The following LILRB5 variants were observed in gnomAD, a reference collection of about 807,000 sequenced individuals.
LILRB5 encodes the protein leukocyte immunoglobulin like receptor B5.
Under a neutral mutation model 68.4 loss-of-function variants are expected in LILRB5, and 61 were observed. The ratio of observed to expected loss-of-function variants is 0.89; its 90% CI spans 0.73 to 1.10. The LOEUF (loss-of-function observed/expected upper bound fraction) is 1.10. LILRB5 is among the 50% of genes least tolerant of loss of function. The pLI, the probability that LILRB5 is intolerant of heterozygous loss-of-function variation, is 0.00. For missense variants in LILRB5, 771 were observed against 751.6 expected (o/e 1.03, Z -0.30); for synonymous variants, 356 against 315.8 (o/e 1.13, Z -1.35).
Position 54,252,505 on chromosome 19 carries a change from C to G in LILRB5, c.1519G>C (p.Asp507His). Reference protein sequence around the residue: ...PAGAAGPEPKDQGLQKRASPV... With the variant: ...PAGAAGPEPKHQGLQKRASPV... ...AATTACCTCTTCTGCAGGCCCTGGTCCTTGGGCTCTGGCCCCGCAGCCCCT... is the reference window on the plus strand; with the variant it reads ...AATTACCTCTTCTGCAGGCCCTGGTGCTTGGGCTCTGGCCCCGCAGCCCCT... The change falls in exon 10 of 13, where the codon GAC becomes CAC. Residue 507 changes from aspartate (D) to histidine (H), a missense_variant. Physicochemically the swap from Asp to His is moderately conservative, Grantham distance 81. Transcript: ENST00000449561. 1.9e-6 allele frequency: 3 copies of G among 1,614,108 alleles called. No individual in the cohort carries two copies. The highest frequency in any genetic ancestry group is 2.5e-6 in the Non-Finnish European group (3 of 1,180,026).
At chr19:54,251,375 C>A in intron 12 of LILRB5, 1 of 732,030 alleles carries the variant, frequency 1.4e-6, no homozygotes, top group Non-Finnish European at 2.2e-6. Context: ...TGGCTGCAGC[C>A]TCACGGGCCT....
rs745756456 is a variant in LILRB5, at chr19:54,250,742, C to CTTT, written c.*43_*44insAAA. Reference sequence around the variant, plus strand: ...GCAGCTCCTGTGCCTTCTGGAGTCTCTGAGTCTCCTTCTGTTGAGTATGAG... The same window carrying CTTT: ...GCAGCTCCTGTGCCTTCTGGAGTCTCTTTTGAGTCTCCTTCTGTTGAGTATGAG... On this transcript the variant is annotated 3_prime_UTR_variant, in exon 13 of 13. Coordinates refer to ENST00000449561, the MANE Select transcript of LILRB5 (RefSeq NM_001081442.3). The CTTT allele has an allele frequency of 6.2e-7, 1 of 1,613,126 alleles. No individual in the cohort carries two copies. Among genetic ancestry groups the CTTT allele is most frequent in the Admixed American group, 1.7e-5 (1 of 59,966 alleles).
chr19:54,256,388 C>T (rs2079143645), intron 3 of LILRB5, 46 bp from the exon 4 acceptor site: 4 of 1,586,988 alleles, frequency 2.5e-6, no homozygotes, highest in Non-Finnish European at 3.4e-6. Context: ...CGACCTCCCA[C>T]ATCATCCCCA....
chr19:54,254,962 A>AGCAGG lies in LILRB5; in HGVS notation c.1023_1027dup (p.Leu343ProfsTer10). The AGCAGG allele has an allele frequency of 6.2e-7, 1 of 1,613,976 alleles. No individual in the cohort carries two copies. Among genetic ancestry groups the AGCAGG allele is most frequent in the African/African-American group, 1.3e-5 (1 of 75,006 alleles). On this transcript the variant is annotated frameshift_variant, in exon 6 of 13. Coordinates refer to ENST00000449561, the MANE Select transcript of LILRB5 (RefSeq NM_001081442.3). LOFTEE classifies it high-confidence loss of function. ...GTCTATCTGATGCCATGACTGACACAGCAGGGTCACGTTCTCTCCTGAGGC... is the reference window on the plus strand; with the variant it reads ...GTCTATCTGATGCCATGACTGACACAGCAGGGCAGGGTCACGTTCTCTCCTGAGGC...
chr19:54,256,421 C>G, intron 3 of LILRB5, 68 bp downstream of exon 3: 1 of 1,595,164 alleles, frequency 6.3e-7, no homozygotes, highest in Non-Finnish European at 8.5e-7. Flanking sequence ...GAGAGGTAGA[C>G]GTCCCTAAGA....
chr19:54,252,574 A>G (rs772330544), intron 9 of LILRB5, 25 bp from the exon 10 acceptor site: 1 of 1,612,858 alleles, frequency 6.2e-7, no homozygotes, highest in South Asian at 1.1e-5. Flanking sequence ...ACAGAGGGTC[A>G]GGCCTGGGAG....
intron 12 of LILRB5, 41 bp downstream of exon 12, chr19:54,252,013 C>G (rs1473644416): frequency 6.3e-7 from 1 of 1,588,012 alleles, no homozygotes; most frequent in Non-Finnish European, 8.6e-7. Context: ...AGATCTGGCA[C>G]CAGGAGGCCT....
At position 54,255,868 on chromosome 19, in the gene LILRB5, G is replaced by C. The variant is rs2079123081; in HGVS notation, c.655+175C>G. ...CTGAGTCGACCCCTTCCAGGTGAGG[G>C]TGACTCAGGCTCCTGTTTCCCCATC... On this transcript the variant is annotated intron_variant, in intron 4 of 12. Transcript: ENST00000449561. 15 of 661,570 alleles carry C rather than the reference G, an allele frequency of 2.3e-5. No individual in the cohort carries two copies. The South Asian group carries it at 3.1e-4, about 14-fold the overall frequency. 41.0% of individuals were successfully genotyped at this position (661,570 alleles called of 1,614,324 possible).
chr19:54,254,870 A>T lies in LILRB5; in HGVS notation c.1120T>A (p.Tyr374Asn), dbSNP rs747370252. Residue 374 changes from tyrosine (Y) to asparagine (N), a missense_variant, in exon 6 of 13, where the codon TAT (tyrosine) becomes AAT (asparagine). By Grantham distance (143) the Tyr-to-Asn change is moderately radical (BLOSUM62 -2). Coordinates refer to ENST00000449561, the MANE Select transcript of LILRB5 (RefSeq NM_001081442.3). ...ATGGAGAATTCAGCCTGGTGTCTATAAGACTGGTACTTTGACTTTAGACAC... is the reference window on the plus strand; with the variant it reads ...ATGGAGAATTCAGCCTGGTGTCTATTAGACTGGTACTTTGACTTTAGACAC... ...PLCLKSKYQS[Y>N]RHQAEFSMSP... 9 of 1,613,254 alleles carry T rather than the reference A, an allele frequency of 5.6e-6. No individual in the cohort carries two copies. In the South Asian group the frequency reaches 9.9e-5, roughly 18 times the overall value.
intron 5 of LILRB5, 53 bp downstream of exon 5, chr19:54,255,233 G>A (rs2079089504): frequency 7.1e-6 from 10 of 1,411,086 alleles, no homozygotes; most frequent in African/African-American, 1.5e-5. Flanking sequence ...GGATTCCCCC[G>A]GCAGGACCTG....
chr19:54,254,715 G>A lies in LILRB5; in HGVS notation c.1255+20C>T. ...GAGCTGAGCCTTTGAGCTTGGACAG[G>A]ACAGGGTCAGGGCCCTCACCTGAGA... On this transcript the variant is annotated intron_variant, in intron 6 of 12. Coordinates refer to ENST00000449561, the MANE Select transcript of LILRB5 (RefSeq NM_001081442.3). 2 of 1,613,416 alleles carry A rather than the reference G, an allele frequency of 1.2e-6. No homozygotes were observed. The highest frequency in any genetic ancestry group is 2.2e-5 in the South Asian group (2 of 91,038).
rs1285927350 is a variant in LILRB5, at chr19:54,249,585, G to T, written c.*1201C>A. 6.6e-6 allele frequency: 1 copy of T among 152,192 alleles called. No individual in the cohort carries two copies. The highest frequency in any genetic ancestry group is 2.4e-5 in the African/African-American group (1 of 41,456). The allele number at this position is 152,192 out of a possible 1,614,324, so 9.4% of individuals were successfully genotyped here. A position where few individuals can be genotyped will look rare whatever the true frequency, so the allele number is the denominator to read the frequency against. On this transcript the variant is annotated 3_prime_UTR_variant, in exon 13 of 13. Coordinates refer to ENST00000449561, the MANE Select transcript of LILRB5 (RefSeq NM_001081442.3). Reference sequence around the variant, plus strand: ...AAATTGCAATTTAAAGTACTTGGGAGAATAGAATGAGGAGGGGGAATGTCC... The same window carrying T: ...AAATTGCAATTTAAAGTACTTGGGATAATAGAATGAGGAGGGGGAATGTCC...
chr19:54,254,309 G>T, intron 7 of LILRB5, 56 bp downstream of exon 7: 1 of 1,535,016 alleles, frequency 6.5e-7, no homozygotes, highest in South Asian at 1.2e-5. Context: ...GGGAGACTCA[G>T]GGCTGCCTGG....
chr19:54,255,569 C>A lies in LILRB5; in HGVS notation c.669G>T (p.Lys223Asn). Reference protein sequence around the residue: ...LEILVPGVSRKPSLLIPQGSV... With the variant: ...LEILVPGVSRNPSLLIPQGSV... Reference sequence around the variant, plus strand: ...AGCCCTGCGGGATCAGGAGGGAGGGCTTCCTAGACACGCCTGGAGGGAAAG... The same window carrying A: ...AGCCCTGCGGGATCAGGAGGGAGGGATTCCTAGACACGCCTGGAGGGAAAG... The change falls in exon 5 of 13, where the codon AAG becomes AAT. Residue 223 changes from lysine (K) to asparagine (N), a missense_variant. By Grantham distance (94) the Lys-to-Asn change is moderately conservative (BLOSUM62 0). Coordinates refer to ENST00000449561, the MANE Select transcript of LILRB5 (RefSeq NM_001081442.3). 1.2e-6 allele frequency: 2 copies of A among 1,613,178 alleles called. No homozygotes were observed. Among genetic ancestry groups the A allele is most frequent in the Non-Finnish European group, 1.7e-6 (2 of 1,179,460 alleles).
Position 54,254,791 on chromosome 19 carries a change from C to G in LILRB5, c.1199G>C (p.Arg400Thr), listed in dbSNP as rs370941646. The G allele has an allele frequency of 1.2e-5, 19 of 1,614,044 alleles. No homozygotes were observed. The highest frequency in any genetic ancestry group is 1.6e-5 in the Non-Finnish European group (19 of 1,180,012). ...GCTGGACAGCAGGTAGGGGTAGGAC[C>G]TGATTGCGCTGTAGCATCGGTAGGT... ...GGTYRCYSAI[R>T]SYPYLLSSPS... is the part of the protein sequence containing the mutation. Residue 400 changes from arginine (R) to threonine (T), a missense_variant, in exon 6 of 13, where the codon AGG becomes ACG. Arg to Thr is a moderately conservative substitution (Grantham distance 71). Transcript: ENST00000449561.
At chr19:54,254,636 C>A (rs767898988) in intron 6 of LILRB5, 99 bp downstream of exon 6, 7 of 1,441,680 alleles carry the variant, frequency 4.9e-6, no homozygotes, top group Non-Finnish European at 6.7e-6. Context: ...CTCAAACCCT[C>A]CCCCCCGCAC....
chr19:54,257,082 C>G lies in LILRB5; in HGVS notation c.34+78G>C. The G allele has an allele frequency of 4.3e-6, 7 of 1,613,812 alleles. No individual in the cohort carries two copies. In the East Asian group the frequency reaches 1.3e-4, roughly 31 times the overall value. On this transcript the variant is annotated intron_variant, in intron 1 of 12. Coordinates refer to ENST00000449561, the MANE Select transcript of LILRB5 (RefSeq NM_001081442.3). ...CTCGGAGCCTCTGATAGACCAGATT[C>G]TCTGATAGACCAGAGCCTCGCTTTA...
At position 54,253,919 on chromosome 19, in the gene LILRB5, G is replaced by T; in HGVS notation, c.1357+99C>A. ...TGAGGCCCAGGCAGGGGAAGGGCTT[G>T]TGCACTTCACCATCTCCAGAGGAGC... On this transcript the variant is annotated intron_variant, in intron 8 of 12. Coordinates refer to ENST00000449561, the MANE Select transcript of LILRB5 (RefSeq NM_001081442.3). 4 of 1,547,726 alleles carry T rather than the reference G, an allele frequency of 2.6e-6. No individual in the cohort carries two copies. In the Admixed American group the frequency reaches 6.0e-5, roughly 23 times the overall value.
chr19:54,253,553 G>A (rs2079026468), intron 8 of LILRB5: 1 of 384,178 alleles, frequency 2.6e-6, no homozygotes, highest in Non-Finnish European at 4.8e-6. Context: ...TACAGGGCCA[G>A]GTCCCATGAT....
Sources: allele counts gnomAD v4.1 joint callset, GRCh38; gene constraint gnomAD v4.1.1; transcripts MANE v1.5; gene names NCBI Gene and HGNC (gene_info 2026-07-23, HGNC 2026-07-21).